Variants in BRAF observed in about 807,000 individuals in gnomAD.
BRAF encodes B-Raf proto-oncogene, serine/threonine kinase.
In BRAF, 16 loss-of-function variants were observed where a neutral mutation model predicts 104.6. That is an observed-to-expected ratio of 0.15 (90% CI 0.10 to 0.23). The LOEUF (loss-of-function observed/expected upper bound fraction) is 0.23, where lower values mean the gene tolerates loss of function less well. Ranked by LOEUF, BRAF falls within the 10% of genes least tolerant of loss-of-function variation. The pLI, the probability that BRAF is intolerant of heterozygous loss-of-function variation, is 1.00. For missense variants in BRAF, 541 were observed against 937.3 expected (o/e 0.58, Z 5.52); for synonymous variants, 310 against 341.6 (o/e 0.91, Z 1.02).
chr7:140,854,902 G>A (rs1363126626), intron 1 of BRAF, among the ~76,000 whole-genome samples: 4 of 152,060 alleles, frequency 2.6e-5, no homozygotes, highest in East Asian at 1.9e-4. Context: ...CCGAGACTGC[G>A]CCACTGCACT....
At chr7:140,822,757 C>T (rs1033630884) in intron 3 of BRAF, among the ~76,000 whole-genome samples, 2 of 152,220 alleles carry the variant, frequency 1.3e-5, no homozygotes, top group African/African-American at 2.4e-5. Context: ...TTTCTACGAA[C>T]ATATGCTCCC....
intron 1 of BRAF, among the ~76,000 whole-genome samples, chr7:140,908,167 GCT>G (rs1362146273): frequency 6.6e-6 from 1 of 152,054 alleles, no homozygotes; most frequent in Non-Finnish European, 1.5e-5. Flanking sequence ...ATCTGTTTCT[GCT>G]CTCTTCTTAT....
At chr7:140,749,207 AG>A in intron 17 of BRAF, 79 bp downstream of exon 16, 1 of 1,579,290 alleles carries the variant, frequency 6.3e-7, no homozygotes, top group Non-Finnish European at 8.7e-7. Context: ...ACGCTTACCC[AG>A]GAGTTAACAC....
chr7:140,912,768 G>C (rs898007332), intron 1 of BRAF, among the ~76,000 whole-genome samples: 10 of 152,114 alleles, frequency 6.6e-5, no homozygotes, highest in African/African-American at 1.9e-4. Context: ...GGCTGGTCTC[G>C]AACTCCTCAC....
intron 1 of BRAF, among the ~76,000 whole-genome samples, chr7:140,870,113 A>G (rs1343552344): frequency 6.6e-6 from 1 of 152,182 alleles, no homozygotes; most frequent in African/African-American, 2.4e-5. Context: ...AGAAATAATC[A>G]AAGGCTTTTT....
chr7:140,871,555 T>C (rs762066896), intron 1 of BRAF, among the ~76,000 whole-genome samples: 7 of 152,138 alleles, frequency 4.6e-5, no homozygotes, highest in African/African-American at 1.4e-4. Context: ...GGAAACCTAC[T>C]CTAACTTCCA....
At chr7:140,846,347 T>C (rs778156579) in intron 2 of BRAF, among the ~76,000 whole-genome samples, 2 of 152,196 alleles carry the variant, frequency 1.3e-5, no homozygotes, top group Non-Finnish European at 2.9e-5. Flanking sequence ...TTTTGATATA[T>C]GCATTATCCT....
intron 1 of BRAF, among the ~76,000 whole-genome samples, chr7:140,864,260 G>C (rs1245195741): frequency 6.6e-6 from 1 of 152,178 alleles, no homozygotes; most frequent in Non-Finnish European, 1.5e-5. Flanking sequence ...TGATTGCTTG[G>C]ACCAAGGTGA....
At chr7:140,844,996 ATT>A (rs1399595997) in intron 2 of BRAF, among the ~76,000 whole-genome samples, 5 of 152,332 alleles carry the variant, frequency 3.3e-5, no homozygotes, top group Non-Finnish European at 7.3e-5. Flanking sequence ...GAGAACTCAC[ATT>A]TCCTGATTTC....
chr7:140,720,880 C>CT lies in BRAF; in HGVS notation c.*5613dup, dbSNP rs1795287474. 4 of 1,066,194 alleles carry CT rather than the reference C, an allele frequency of 3.8e-6. No individual in the cohort carries two copies. The highest frequency in any genetic ancestry group is 4.5e-6 in the Non-Finnish European group (4 of 879,804). The allele number at this position is 1,066,194 out of a possible 1,614,324, so 66.0% of individuals were successfully genotyped here. ...AATCCCACCCGTCAACAGACCCTTC[C>CT]TTTGCGGCATCTCTTCACAAATTTT... On this transcript the variant is annotated 3_prime_UTR_variant, in exon 20 of 20. Transcript: ENST00000644969.
chr7:140,847,867 T>C lies in BRAF; in HGVS notation c.240+2244A>G, dbSNP rs575938579. ...ATGGCTCATCGTAATTATTATATTATACTGCTGCCTTCAGTGTGTGTGTAT... is the reference window on the plus strand; with the variant it reads ...ATGGCTCATCGTAATTATTATATTACACTGCTGCCTTCAGTGTGTGTGTAT... On this transcript the variant is annotated intron_variant, in intron 2 of 19. Transcript: ENST00000644969. Among the ~76,000 whole-genome samples, 6 of 152,304 alleles carry C rather than the reference T, an allele frequency of 3.9e-5. No individual in the cohort carries two copies. In the East Asian group the frequency reaches 1.2e-3, roughly 29 times the overall value.
At chr7:140,835,431 T>C (rs1055073436) in intron 2 of BRAF, 9 of 155,448 alleles carry the variant, frequency 5.8e-5, no homozygotes, top group Admixed American at 3.1e-4. Context: ...GTTTAGAAGA[T>C]GTGTAACTGC....
chr7:140,880,080 CT>C (rs1370459758), intron 1 of BRAF, among the ~76,000 whole-genome samples: 1 of 152,236 alleles, frequency 6.6e-6, no homozygotes, highest in Non-Finnish European at 1.5e-5. Flanking sequence ...TGCCGACTGA[CT>C]TTTTTTCACA....
chr7:140,794,635 T>C (rs2129038249), intron 7 of BRAF, among the ~76,000 whole-genome samples, 168 bp from the exon 8 acceptor site: 1 of 152,326 alleles, frequency 6.6e-6, no homozygotes, highest in African/African-American at 2.4e-5. Context: ...AAAAATCCAA[T>C]ACTGCCAAAG....
chr7:140,874,923 C>T (rs1812045506), intron 1 of BRAF, among the ~76,000 whole-genome samples: 1 of 152,120 alleles, frequency 6.6e-6, no homozygotes, highest in South Asian at 2.1e-4. Flanking sequence ...AAGTATGTGG[C>T]ACCCTCCCCA....
Position 140,849,726 on chromosome 7 carries a change from C to T in BRAF, c.240+385G>A, listed in dbSNP as rs184400353. ...GCTCAGGAGGCTGAGGCAGGACAAT[C>T]GTCTGAAGCTGGGAGGCGGAGGTTG... On this transcript the variant is annotated intron_variant, in intron 2 of 19. Coordinates refer to ENST00000644969, the MANE Select transcript of BRAF (RefSeq NM_001374258.1). Among the ~76,000 whole-genome samples, 60 of 151,964 alleles carry T rather than the reference C, an allele frequency of 3.9e-4. 1 individual carries two copies. The highest frequency in any genetic ancestry group is 1.4e-3 in the African/African-American group (56 of 41,454).
At chr7:140,860,218 C>T (rs1267618) in intron 1 of BRAF, among the ~76,000 whole-genome samples, 45,195 of 151,872 alleles carry the variant, frequency 0.3, 10,778 homozygotes, top group African/African-American at 0.66. Flanking sequence ...GGGAACAGAA[C>T]GGACTATATA....
intron 2 of BRAF, among the ~76,000 whole-genome samples, chr7:140,847,932 A>G (rs907570207): frequency 5.3e-5 from 8 of 152,214 alleles, no homozygotes; most frequent in Non-Finnish European, 1.5e-5. Context: ...CTACATACAC[A>G]TAATACACAC....
intron 12 of BRAF, chr7:140,780,882 A>G (rs942612668): frequency 5.3e-5 from 8 of 152,214 alleles, no homozygotes; most frequent in African/African-American, 1.9e-4. Context: ...CAATTCTTTG[A>G]TAACTAGTAA....
Sources: gnomAD v4.1 joint callset for allele counts (sites outside exome capture counted in the v4.1 genomes callset) on GRCh38, gnomAD v4.1.1 for gene constraint, MANE v1.5 for transcripts, NCBI Gene and HGNC (gene_info 2026-07-23, HGNC 2026-07-21) for gene names.